Variants in RBM33 observed in about 807,000 individuals in gnomAD.
The protein encoded by RBM33 is RNA binding motif protein 33, also known as RNA-binding protein 33.
RBM33 carries 28 observed loss-of-function variants against 132.6 expected under a neutral mutation model. The ratio of observed to expected loss-of-function variants is 0.21; its 90% CI spans 0.16 to 0.29. The LOEUF is 0.29. RBM33 is among the 10% of genes least tolerant of loss of function. The probability of loss-of-function intolerance (pLI) is 1.00; values close to 1 mark genes in which losing one functional copy is unlikely to be tolerated. For synonymous variants in RBM33, 634 were observed against 593.0 expected (o/e 1.07, Z -1.01); for missense variants, 1,291 against 1,518.5 (o/e 0.85, Z 2.49).
chr7:155,744,006 C>T (rs1203708832), intron 13 of RBM33, among the ~76,000 whole-genome samples: 1 of 152,150 alleles, frequency 6.6e-6, no homozygotes, highest in African/African-American at 2.4e-5. Context: ...CAGAGGTGGT[C>T]GGAATTGCTT....
In RBM33 at chr7:155,780,071, A is replaced by G. The variant is rs1017252537; in HGVS notation, c.*5030A>G. The G allele has an allele frequency of 1.3e-5, 2 of 152,232 alleles. No homozygotes were observed. Among genetic ancestry groups the G allele is most frequent in the Admixed American group, 6.5e-5 (1 of 15,280 alleles). The allele number at this position is 152,232 out of a possible 1,614,324, so 9.4% of individuals were successfully genotyped here. A position where few individuals can be genotyped will look rare whatever the true frequency, so the allele number is the denominator to read the frequency against. ...TGTATTTAATAATTTAATATACTCT[A>G]GAAAGTAGACCTCATGCATTCTTTT... On this transcript the variant is annotated 3_prime_UTR_variant, in exon 18 of 18. Coordinates refer to ENST00000401878, the MANE Select transcript of RBM33 (RefSeq NM_053043.3).
rs1256906837 is a variant in RBM33 at position 155,739,779 on chromosome 7, C to A, written c.1802C>A (p.Pro601His). 6.5e-7 allele frequency: 1 copy of A among 1,538,608 alleles called. No homozygotes were observed. The highest frequency in any genetic ancestry group is 1.2e-5 in the South Asian group (1 of 83,550). Residue 601 changes from proline to histidine, a missense_variant, in exon 12 of 18, where the codon CCC (proline) becomes CAC (histidine). This residue lies in a region of RBM33 where 841 missense variants were observed against 912.0 expected (regional missense o/e 0.92). Transcript: ENST00000401878. Reference protein sequence around the residue: ...QPQPQQPQQQPPPQHQPPHQP... With the variant: ...QPQPQQPQQQHPPQHQPPHQP... ...CAGCCTCAGCAACCTCAGCAACAGC[C>A]CCCGCCACAGCACCAGCCTCCGCAC...
intron 1 of RBM33, among the ~76,000 whole-genome samples, chr7:155,661,606 C>T (rs1215428650): frequency 2.0e-5 from 3 of 151,854 alleles, no homozygotes; most frequent in Non-Finnish European, 4.4e-5. Context: ...CGGAGTTTCG[C>T]CATGTTGGCC....
At chr7:155,735,918 C>G (rs983139888) in intron 9 of RBM33, among the ~76,000 whole-genome samples, 15 of 152,146 alleles carry the variant, frequency 9.9e-5, no homozygotes, top group African/African-American at 3.6e-4. Context: ...AGAAGTGACA[C>G]TCCCTAATGT....
chr7:155,753,468 C>T (rs187682162), intron 14 of RBM33, among the ~76,000 whole-genome samples: 8 of 152,132 alleles, frequency 5.3e-5, no homozygotes, highest in African/African-American at 1.4e-4. Context: ...AGGAGGATGC[C>T]GCTGTTCTGG....
intron 3 of RBM33, among the ~76,000 whole-genome samples, chr7:155,673,729 C>G (rs1256884082): frequency 7.0e-6 from 1 of 143,482 alleles, no homozygotes. Context: ...TATACACACA[C>G]ATATATACAT....
In RBM33 at chr7:155,774,059, C is replaced by A. The variant is rs1268255220; in HGVS notation, c.3376-500C>A. ...TGATGTCTGCCCCAGGCACCACTGC[C>A]CTCACCATGGCCCAGCCAGATGCAC... On this transcript the variant is annotated intron_variant, in intron 16 of 17. Coordinates refer to ENST00000401878, the MANE Select transcript of RBM33 (RefSeq NM_053043.3). The surrounding 1 kb of genome is among the most constrained non-coding windows in gnomAD (Gnocchi z 4.2). Among the ~76,000 whole-genome samples, 1 of 152,198 alleles carries A rather than the reference C, an allele frequency of 6.6e-6. No homozygotes were observed. The highest frequency in any genetic ancestry group is 1.5e-5 in the Non-Finnish European group (1 of 68,044).
At chr7:155,729,990 G>C (rs930209290) in intron 9 of RBM33, among the ~76,000 whole-genome samples, 1 of 152,120 alleles carries the variant, frequency 6.6e-6, no homozygotes, top group Admixed American at 6.6e-5. Context: ...TGCTTTGTGG[G>C]CAGCTGGTTT....
At chr7:155,693,332 C>T (rs1162391216) in intron 5 of RBM33, among the ~76,000 whole-genome samples, 9 of 146,700 alleles carry the variant, frequency 6.1e-5, no homozygotes, top group South Asian at 2.1e-4. Context: ...ATTTTTTTTT[C>T]TTTTTTTTTT....
At chr7:155,700,082 G>A (rs1165398035) in intron 5 of RBM33, among the ~76,000 whole-genome samples, 1 of 152,090 alleles carries the variant, frequency 6.6e-6, no homozygotes, top group Non-Finnish European at 1.5e-5. Context: ...TTTGGGCTGG[G>A]GTTAGGGAAA....
chr7:155,685,075 G>T, intron 5 of RBM33: 1 of 1,544,472 alleles, frequency 6.5e-7, no homozygotes, highest in Non-Finnish European at 8.7e-7. Flanking sequence ...CTTTTAAAAA[G>T]AGTAAAAAGT....
chr7:155,702,353 G>T (rs1799989768), intron 6 of RBM33, among the ~76,000 whole-genome samples: 1 of 152,122 alleles, frequency 6.6e-6, no homozygotes, highest in South Asian at 2.1e-4. Context: ...TAGAATCTTT[G>T]TTCTCTTTTT....
intron 16 of RBM33, among the ~76,000 whole-genome samples, chr7:155,772,950 A>G (rs923164444): frequency 7.2e-5 from 11 of 152,332 alleles, no homozygotes; most frequent in African/African-American, 2.2e-4. Context: ...TAGACATTCT[A>G]TAGTTATTAA....
chr7:155,740,129 T>C (rs1328470768), intron 12 of RBM33, 103 bp downstream of exon 12: 24 of 1,397,574 alleles, frequency 1.7e-5, no homozygotes, highest in Non-Finnish European at 2.1e-5. Context: ...CCAGTTCTGA[T>C]TTCTGTTTAT....
At chr7:155,768,739 C>A (rs1038617706) in intron 16 of RBM33, among the ~76,000 whole-genome samples, 12 of 152,234 alleles carry the variant, frequency 7.9e-5, no homozygotes, top group African/African-American at 2.9e-4. Flanking sequence ...GCCTCAGCCT[C>A]GCGAGTAGCT....
At position 155,659,402 on chromosome 7, in the gene RBM33, A is replaced by G. The variant is rs142174518; in HGVS notation, c.44-5773A>G. Among the ~76,000 whole-genome samples the G allele has an allele frequency of 2.6e-5, 4 of 152,284 alleles. No homozygotes were observed. The East Asian group carries it at 5.8e-4, about 22-fold the overall frequency. ...ATATGAAGAAGTAGAGAATATTAATAAAGAAATTATTAGAAGGAAACAACT... is the reference window on the plus strand; with the variant it reads ...ATATGAAGAAGTAGAGAATATTAATGAAGAAATTATTAGAAGGAAACAACT... On this transcript the variant is annotated intron_variant, in intron 1 of 17. Transcript: ENST00000401878.
At chr7:155,673,940 G>GTTGTTTTTTTT in intron 3 of RBM33, among the ~76,000 whole-genome samples, 1 of 54,214 alleles carries the variant, frequency 1.8e-5, no homozygotes, top group African/African-American at 8.3e-5. Flanking sequence ...TTTAGGCTTA[G>GTTGTTTTTTTT]TTTTTTTTTT....
At chr7:155,721,341 A>C (rs1251367138) in intron 9 of RBM33, among the ~76,000 whole-genome samples, 1 of 152,160 alleles carries the variant, frequency 6.6e-6, no homozygotes, top group African/African-American at 2.4e-5. Flanking sequence ...CCAGAAACTT[A>C]ATATAGAGTG....
At chr7:155,672,355 A>G (rs866219558) in intron 2 of RBM33, among the ~76,000 whole-genome samples, 6 of 152,218 alleles carry the variant, frequency 3.9e-5, no homozygotes, top group South Asian at 2.1e-4. Context: ...GGCACTACCT[A>G]TAGCAAAGCC....
Sources: gnomAD v4.1 joint callset for allele counts (sites outside exome capture counted in the v4.1 genomes callset) on GRCh38, gnomAD v4.1.1 for gene constraint, gnomAD v4.1.1 regional missense constraint, Gnocchi (gnomAD v3.1) non-coding constraint, MANE v1.5 for transcripts, NCBI Gene and HGNC (gene_info 2026-07-23, HGNC 2026-07-21) for gene names.